The following HRH1 variants were observed in gnomAD, a reference collection of about 807,000 sequenced individuals.
HRH1 encodes the protein histamine H1 receptor.
In HRH1, 6 loss-of-function variants were observed where a neutral mutation model predicts 10.3. The ratio of observed to expected loss-of-function variants is 0.58; its 90% CI spans 0.32 to 1.15. The LOEUF is 1.15. Among genes scored for constraint, HRH1 ranks in the 50% most tolerant of loss-of-function variants. The pLI is 0.05. For synonymous variants in HRH1, 242 were observed against 236.7 expected (o/e 1.02, Z -0.21); for missense variants, 514 against 615.3 (o/e 0.84, Z 1.74).
intron 1 of HRH1, among the ~76,000 whole-genome samples, chr3:11,216,597 G>A (rs1031623476): frequency 2.0e-4 from 31 of 152,208 alleles, no homozygotes; most frequent in African/African-American, 7.5e-4. Flanking sequence ...AGAAAGTGGA[G>A]ACCAGGTGCA....
At chr3:11,226,951 A>G (rs1158293225) in intron 1 of HRH1, among the ~76,000 whole-genome samples, 1 of 151,938 alleles carries the variant, frequency 6.6e-6, no homozygotes, top group African/African-American at 2.4e-5. Context: ...CTTGTATCAC[A>G]CATGTGGGGC....
chr3:11,146,044 T>A (rs1405507096), intron 1 of HRH1, among the ~76,000 whole-genome samples: 2 of 152,204 alleles, frequency 1.3e-5, no homozygotes, highest in Non-Finnish European at 2.9e-5. Flanking sequence ...TTTGTGGGTA[T>A]ATATTTTCAT....
At chr3:11,192,731 A>G (rs915386738) in intron 1 of HRH1, among the ~76,000 whole-genome samples, 3 of 152,178 alleles carry the variant, frequency 2.0e-5, no homozygotes, top group African/African-American at 7.2e-5. Context: ...AAAATTTTAC[A>G]AAGACCATTC....
At chr3:11,203,477 T>G (rs1269457681) in intron 1 of HRH1, among the ~76,000 whole-genome samples, 2 of 152,180 alleles carry the variant, frequency 1.3e-5, no homozygotes, top group East Asian at 1.9e-4. Flanking sequence ...TTCTAGGAGT[T>G]TTATAATTTT....
chr3:11,146,461 TTGA>T (rs373689883), intron 1 of HRH1, among the ~76,000 whole-genome samples: 34 of 152,300 alleles, frequency 2.2e-4, no homozygotes, highest in African/African-American at 7.9e-4. Flanking sequence ...ATCTTGTGCA[TTGA>T]TGAGATGGTC....
intron 1 of HRH1, among the ~76,000 whole-genome samples, chr3:11,146,737 G>C (rs1027146254): frequency 2.0e-5 from 3 of 152,316 alleles, no homozygotes; most frequent in Admixed American, 6.5e-5. Flanking sequence ...GGACACTCTA[G>C]AGGAGAAACG....
At position 11,212,451 on chromosome 3, in the gene HRH1, G is replaced by T. The variant is rs533312737; in HGVS notation, c.-35-46552G>T. On this transcript the variant is annotated intron_variant, in intron 1 of 1. Transcript: ENST00000431010. ...TTCATGGAAGGGCTGAGACCCATCT[G>T]GGGCAGGCCTGGAAAATCTACTCTG... Among the ~76,000 whole-genome samples, 9 of 152,246 alleles carry T rather than the reference G, an allele frequency of 5.9e-5. No individual in the cohort carries two copies. The East Asian group carries it at 1.7e-3, about 29-fold the overall frequency.
At chr3:11,217,563 C>A (rs1391994811) in intron 1 of HRH1, among the ~76,000 whole-genome samples, 1 of 151,772 alleles carries the variant, frequency 6.6e-6, no homozygotes, top group East Asian at 1.9e-4. Context: ...ATGGTGAGTG[C>A]CAGGGGTTGA....
chr3:11,177,790 G>A lies in HRH1; in HGVS notation c.-36+23236G>A, dbSNP rs142032120. On this transcript the variant is annotated intron_variant, in intron 1 of 1. Transcript: ENST00000431010. ...TCACTTTGCTTGCTAAGTTGCTCAC[G>A]GAGCAGACCCTTTGTGCTGAGTGAC... 1.4e-3 allele frequency among the ~76,000 whole-genome samples: 213 copies of A among 152,326 alleles called. 1 individual carries two copies. In the South Asian group the frequency reaches 0.028, roughly 20 times the overall value.
intron 1 of HRH1, among the ~76,000 whole-genome samples, chr3:11,194,727 A>G (rs1937609278): frequency 6.6e-6 from 1 of 152,132 alleles, no homozygotes; most frequent in African/African-American, 2.4e-5. Flanking sequence ...AGGAAGGAGA[A>G]TTGCTTGAAC....
chr3:11,248,051 G>A (rs1939536820), intron 1 of HRH1, among the ~76,000 whole-genome samples: 1 of 152,166 alleles, frequency 6.6e-6, no homozygotes, highest in East Asian at 1.9e-4. Flanking sequence ...TGATAAGGAG[G>A]TAAGGCCTTG....
chr3:11,193,852 G>A (rs944062544), intron 1 of HRH1, among the ~76,000 whole-genome samples: 4 of 152,202 alleles, frequency 2.6e-5, no homozygotes, highest in African/African-American at 9.7e-5. Flanking sequence ...TTCAACACAT[G>A]AATTGATGAG....
At chr3:11,240,046 T>G (rs1262319715) in intron 1 of HRH1, among the ~76,000 whole-genome samples, 1 of 152,110 alleles carries the variant, frequency 6.6e-6, no homozygotes, top group African/African-American at 2.4e-5. Flanking sequence ...AGAGATAACT[T>G]CTGGTTCAAT....
chr3:11,234,366 G>A, intron 1 of HRH1: 1 of 1,600,514 alleles, frequency 6.2e-7, no homozygotes, highest in South Asian at 1.1e-5. Context: ...TCCTCTTGGG[G>A]ATAGAGGTCT....
At chr3:11,214,052 A>C (rs1014464094) in intron 1 of HRH1, among the ~76,000 whole-genome samples, 4 of 152,072 alleles carry the variant, frequency 2.6e-5, no homozygotes, top group Non-Finnish European at 5.9e-5. Flanking sequence ...GAAGGGTGGT[A>C]TGGGAAGATG....
intron 1 of HRH1, among the ~76,000 whole-genome samples, chr3:11,248,822 G>T (rs546403469): frequency 6.6e-6 from 1 of 152,196 alleles, no homozygotes; most frequent in Non-Finnish European, 1.5e-5. Context: ...CATTACACCA[G>T]GCTGTGGGGT....
At chr3:11,248,657 C>CA (rs1939553922) in intron 1 of HRH1, among the ~76,000 whole-genome samples, 1 of 152,246 alleles carries the variant, frequency 6.6e-6, no homozygotes, top group Non-Finnish European at 1.5e-5. Context: ...TTTCACTGCA[C>CA]CCTGTTAGGT....
At chr3:11,202,554 C>A (rs61117069) in intron 1 of HRH1, among the ~76,000 whole-genome samples, 17,178 of 152,042 alleles carry the variant, frequency 0.11, 1,952 homozygotes, top group African/African-American at 0.3. Flanking sequence ...TGGCCCCCAC[C>A]CTCCTCCATC....
intron 1 of HRH1, among the ~76,000 whole-genome samples, chr3:11,156,287 G>C: frequency 6.6e-6 from 1 of 152,162 alleles, no homozygotes; most frequent in African/African-American, 2.4e-5. Flanking sequence ...GGTGCTGCCT[G>C]TCCATGATTT....
Sources: gnomAD v4.1 joint callset for allele counts (sites outside exome capture counted in the v4.1 genomes callset) on GRCh38, gnomAD v4.1.1 for gene constraint, MANE v1.5 for transcripts, NCBI Gene and HGNC (gene_info 2026-07-23, HGNC 2026-07-21) for gene names.